Variants in CCDC18 observed in about 807,000 individuals in gnomAD.
The protein encoded by CCDC18 is coiled-coil domain-containing protein 18.
In CCDC18, 157 loss-of-function variants were observed where a neutral mutation model predicts 196.0. The observed-to-expected ratio is 0.80, with a 90% CI of 0.70 to 0.91. The LOEUF (loss-of-function observed/expected upper bound fraction) is 0.91, where lower values mean the gene tolerates loss of function less well. CCDC18 is among the 40% of genes least tolerant of loss of function. The pLI is 0.00. For missense variants in CCDC18, 1,465 were observed against 1,611.6 expected, an observed-to-expected ratio of 0.91 and a Z score of 1.56; for synonymous variants, 482 against 529.2, an observed-to-expected ratio of 0.91 and a Z score of 1.22.
intron 11 of CCDC18, among the ~76,000 whole-genome samples, chr1:93,213,228 AG>A (rs1655956422): frequency 6.6e-6 from 1 of 152,104 alleles, no homozygotes; most frequent in Non-Finnish European, 1.5e-5. Context: ...TCCGTGGCCC[AG>A]GGGTTGGGGA....
At chr1:93,225,716 G>T (rs1405622408) in intron 16 of CCDC18, among the ~76,000 whole-genome samples, 1 of 151,566 alleles carries the variant, frequency 6.6e-6, no homozygotes, top group East Asian at 1.9e-4. Flanking sequence ...GGTAGAGGTT[G>T]CAGTGACCCG....
intron 7 of CCDC18, 134 bp from the exon 8 acceptor site, chr1:93,205,376 A>G: frequency 1.4e-6 from 1 of 694,386 alleles, no homozygotes; most frequent in Non-Finnish European, 2.3e-6. Context: ...TTTCACTACA[A>G]GGCTGGGGAC....
intron 11 of CCDC18, among the ~76,000 whole-genome samples, chr1:93,213,116 G>A (rs1482484047): frequency 1.3e-5 from 2 of 152,122 alleles, no homozygotes; most frequent in African/African-American, 4.8e-5. Context: ...TAATGCGAGC[G>A]ATTGGGAGTG....
chr1:93,230,562 G>A (rs1168988875), intron 17 of CCDC18, among the ~76,000 whole-genome samples: 1 of 151,722 alleles, frequency 6.6e-6, no homozygotes, highest in Non-Finnish European at 1.5e-5. Flanking sequence ...GTGTAAGTTT[G>A]ATAGATATAT....
rs1433281014 is a variant in CCDC18, at chr1:93,184,128, A to G, written c.285A>G (p.Gln95=). The change falls in exon 3 of 29, where the codon CAA becomes CAG. Residue 95 remains glutamine, a synonymous_variant. Transcript: ENST00000690025. ...TATCTGGTAGCAGCACTGATTTTCA[A>G]AAAAAGCCAAGAGATAAGGTTATTG... ...CKISGSSTDF[Q]KKPRDKMFSS... The G allele has an allele frequency of 7.2e-6, 11 of 1,520,706 alleles. No homozygotes were observed. Among genetic ancestry groups the G allele is most frequent in the Non-Finnish European group, 9.8e-6 (11 of 1,126,852 alleles). 94.2% of individuals were successfully genotyped at this position (1,520,706 alleles called of 1,614,324 possible).
chr1:93,248,497 A>T (rs529235711), intron 23 of CCDC18, among the ~76,000 whole-genome samples: 13 of 152,338 alleles, frequency 8.5e-5, no homozygotes, highest in Non-Finnish European at 1.8e-4. Flanking sequence ...CCATCTTGGC[A>T]TCCCTGGGAT....
At chr1:93,206,533 A>T (rs551416438) in intron 8 of CCDC18, among the ~76,000 whole-genome samples, 123 of 152,276 alleles carry the variant, frequency 8.1e-4, no homozygotes, top group Middle Eastern at 6.8e-3. Flanking sequence ...GATATTTTTA[A>T]AACTTCACAT....
intron 27 of CCDC18, among the ~76,000 whole-genome samples, chr1:93,268,753 G>A (rs1664880606): frequency 6.6e-6 from 1 of 151,856 alleles, no homozygotes; most frequent in African/African-American, 2.4e-5. Flanking sequence ...TTAGAATGGT[G>A]ATCATTAAAA....
At chr1:93,276,376 A>G (rs1665622411) in intron 28 of CCDC18, among the ~76,000 whole-genome samples, 1 of 152,190 alleles carries the variant, frequency 6.6e-6, no homozygotes, top group South Asian at 2.1e-4. Context: ...GCAAGTTCAG[A>G]GACTTCATAT....
In CCDC18 at chr1:93,210,811, GAATT is replaced by G. The variant is rs1157488547; in HGVS notation, c.1221_1224del (p.Glu407AspfsTer13). On this transcript the variant is annotated frameshift_variant, in exon 10 of 29. Coordinates refer to ENST00000690025, the MANE Select transcript of CCDC18 (RefSeq NM_001378204.1). LOFTEE classifies it high-confidence loss of function. ...GTTTTTAAACTTGCAGTTAAAAAGA[GAATT>G]ATTTGGCTTTAAATCATATCTTTCT... is the stretch of plus-strand genomic sequence containing the variant. The G allele has an allele frequency of 3.9e-5, 62 of 1,592,970 alleles. No individual in the cohort carries two copies. Among genetic ancestry groups the G allele is most frequent in the Non-Finnish European group, 5.3e-5 (62 of 1,161,510 alleles).
chr1:93,209,904 T>A (rs992365757), intron 9 of CCDC18, among the ~76,000 whole-genome samples: 1 of 151,886 alleles, frequency 6.6e-6, no homozygotes, highest in Non-Finnish European at 1.5e-5. Flanking sequence ...TCTACAAAAA[T>A]GCAAAAATTA....
At chr1:93,253,641 A>AT (rs1662555038) in intron 23 of CCDC18, among the ~76,000 whole-genome samples, 1 of 152,046 alleles carries the variant, frequency 6.6e-6, no homozygotes, top group African/African-American at 2.4e-5. Context: ...TCACCAGGCA[A>AT]TTTTCCGGTC....
intron 1 of CCDC18, among the ~76,000 whole-genome samples, chr1:93,181,759 C>G (rs1329275506): frequency 6.6e-6 from 1 of 151,872 alleles, no homozygotes; most frequent in African/African-American, 2.4e-5. Flanking sequence ...AGATTACAGG[C>G]GCTCGCCACC....
chr1:93,191,870 G>A, intron 4 of CCDC18, 130 bp from the exon 5 acceptor site: 1 of 606,822 alleles, frequency 1.6e-6, no homozygotes. Flanking sequence ...AGGAATAGAT[G>A]GGAAGCTTTA....
intron 1 of CCDC18, among the ~76,000 whole-genome samples, chr1:93,182,041 C>G (rs987636332): frequency 3.3e-5 from 5 of 152,194 alleles, no homozygotes; most frequent in Non-Finnish European, 5.9e-5. Context: ...CCTTCACCAT[C>G]CTACAGAGAG....
At chr1:93,199,544 CCTT>C (rs768736668) in intron 6 of CCDC18, among the ~76,000 whole-genome samples, 16 of 152,354 alleles carry the variant, frequency 1.1e-4, no homozygotes, top group Admixed American at 8.5e-4. Flanking sequence ...GCTCTTCTCT[CCTT>C]CTCTTGTCTT....
At chr1:93,259,045 T>C (rs1271858771) in intron 26 of CCDC18, among the ~76,000 whole-genome samples, 160 bp downstream of exon 26, 1 of 152,176 alleles carries the variant, frequency 6.6e-6, no homozygotes, top group Non-Finnish European at 1.5e-5. Context: ...TAATATACTG[T>C]GGGGTTAAGA....
chr1:93,270,057 G>C (rs1665087316), intron 27 of CCDC18, among the ~76,000 whole-genome samples: 1 of 152,062 alleles, frequency 6.6e-6, no homozygotes, highest in East Asian at 1.9e-4. Flanking sequence ...TTTCAATCTT[G>C]AATAGAAATT....
intron 21 of CCDC18, 96 bp downstream of exon 21, chr1:93,239,992 T>C: frequency 1.1e-6 from 1 of 871,670 alleles, no homozygotes; most frequent in Non-Finnish European, 1.8e-6. Context: ...ATTTCTCAAC[T>C]GTCTTTGGCT....
Sources: gnomAD v4.1 joint callset for allele counts (sites outside exome capture counted in the v4.1 genomes callset) on GRCh38, gnomAD v4.1.1 for gene constraint, MANE v1.5 for transcripts, NCBI Gene and HGNC (gene_info 2026-07-23, HGNC 2026-07-21) for gene names.